CHLSN: variants seen among roughly 807,000 people sequenced by gnomAD.
The protein encoded by CHLSN is cholesin.
At chr7:1,092,109 C>T in the CHLSN span, 28 of 1,613,702 alleles carry the variant, frequency 1.7e-5, no homozygotes, top group Admixed American at 5.0e-5. Context: ...ACGACATCGC[C>T]GTCCTGTGCA....
the CHLSN span, among the ~76,000 whole-genome samples, chr7:992,640 A>G: frequency 1.3e-5 from 2 of 152,148 alleles, no homozygotes; most frequent in African/African-American, 4.8e-5. Context: ...CCATTAGGAA[A>G]CTTCTGGAAC....
the CHLSN span, among the ~76,000 whole-genome samples, chr7:1,051,968 A>T: frequency 6.6e-6 from 1 of 152,226 alleles, no homozygotes; most frequent in Non-Finnish European, 1.5e-5. Context: ...ACTGAGAGAG[A>T]TCCTGGCTCC....
At chr7:990,615 T>C in the CHLSN span, among the ~76,000 whole-genome samples, 3 of 151,488 alleles carry the variant, frequency 2.0e-5, no homozygotes, top group African/African-American at 7.3e-5. Context: ...CCCTAAGTCA[T>C]GGGTGGGGCT....
the CHLSN span, among the ~76,000 whole-genome samples, chr7:1,094,750 T>C: frequency 6.6e-6 from 1 of 152,164 alleles, no homozygotes; most frequent in African/African-American, 2.4e-5. Flanking sequence ...TCTCCTCCCG[T>C]CTGTGGGACA....
chr7:1,135,029 A>T, the CHLSN span, among the ~76,000 whole-genome samples: 1 of 152,138 alleles, frequency 6.6e-6, no homozygotes, highest in Non-Finnish European at 1.5e-5. Flanking sequence ...TCAGTATGCA[A>T]CTTATTTGAC....
chr7:988,354 C>G, the CHLSN span: 1 of 1,612,650 alleles, frequency 6.2e-7, no homozygotes, highest in Non-Finnish European at 8.5e-7. Context: ...AGTTCAACCC[C>G]GGCCATTTCC....
chr7:1,083,620 T>TC, the CHLSN span, among the ~76,000 whole-genome samples: 28 of 143,754 alleles, frequency 1.9e-4, no homozygotes, highest in Non-Finnish European at 4.1e-4. Flanking sequence ...AGAGCAAGAC[T>TC]CCATCTCAAA....
chr7:1,083,307 G>A, the CHLSN span, among the ~76,000 whole-genome samples: 3 of 152,202 alleles, frequency 2.0e-5, no homozygotes, highest in Non-Finnish European at 4.4e-5. Context: ...AGCAAATTCC[G>A]TCTTGTGAGG....
At chr7:1,078,998 G>A in the CHLSN span, among the ~76,000 whole-genome samples, 4 of 149,898 alleles carry the variant, frequency 2.7e-5, no homozygotes, top group African/African-American at 7.3e-5. Flanking sequence ...TCAGGGCTCT[G>A]TCAAGACTGC....
At chr7:1,061,719 AAAGTC>A in the CHLSN span, among the ~76,000 whole-genome samples, 1 of 152,120 alleles carries the variant, frequency 6.6e-6, no homozygotes, top group African/African-American at 2.4e-5. Flanking sequence ...CTACTTGTAA[AAAGTC>A]AAGGTAGTCA....
the CHLSN span, chr7:1,082,199 T>C: frequency 2.0e-5 from 3 of 152,258 alleles, no homozygotes; most frequent in African/African-American, 7.2e-5. Context: ...AGTCTGACCA[T>C]TGTTCTTCAT....
chr7:1,048,459 C>T, the CHLSN span, among the ~76,000 whole-genome samples: 249 of 152,186 alleles, frequency 1.6e-3, no homozygotes, highest in African/African-American at 5.4e-3. Context: ...TACAGGGACC[C>T]GGGTGCCTCT....
At chr7:1,054,595 G>A in the CHLSN span, among the ~76,000 whole-genome samples, 3 of 152,202 alleles carry the variant, frequency 2.0e-5, no homozygotes, top group African/African-American at 7.2e-5. Context: ...CCCTGCAGAC[G>A]CTGGCTGCCT....
chr7:1,121,816 G>A, the CHLSN span, among the ~76,000 whole-genome samples: 1 of 152,070 alleles, frequency 6.6e-6, no homozygotes, highest in African/African-American at 2.4e-5. Flanking sequence ...GCAGCATGCT[G>A]CACCCACCCA....
At chr7:1,046,949 T>C in the CHLSN span, among the ~76,000 whole-genome samples, 1 of 152,228 alleles carries the variant, frequency 6.6e-6, no homozygotes, top group Non-Finnish European at 1.5e-5. Flanking sequence ...CCACGCCTAG[T>C]AAACCGGGGC....
the CHLSN span, among the ~76,000 whole-genome samples, chr7:1,062,061 G>A: frequency 1.5e-3 from 227 of 152,352 alleles, 1 homozygote; most frequent in African/African-American, 5.3e-3. Context: ...TTTTCAGCGC[G>A]TGACGTCCCA....
the CHLSN span, chr7:988,782 G>A: frequency 1.9e-6 from 3 of 1,596,390 alleles, no homozygotes; most frequent in Non-Finnish European, 2.5e-6. Context: ...TTTACCATGA[G>A]GCCGAGGGCC....
the CHLSN span, chr7:1,076,030 G>A: frequency 6.6e-6 from 1 of 152,408 alleles, no homozygotes; most frequent in African/African-American, 2.4e-5. Context: ...AGTCCACCAA[G>A]CCAGGACAGG....
chr7:1,020,753 G>T, the CHLSN span, among the ~76,000 whole-genome samples: 4 of 152,242 alleles, frequency 2.6e-5, no homozygotes, highest in Non-Finnish European at 5.9e-5. Flanking sequence ...ACTGCCGTCT[G>T]CTGACCACCC....
Sources: gnomAD v4.1 joint callset for allele counts (sites outside exome capture counted in the v4.1 genomes callset) on GRCh38, gnomAD v4.1.1 for gene constraint, MANE v1.5 for transcripts, NCBI Gene and HGNC (gene_info 2026-07-23, HGNC 2026-07-21) for gene names.